MDGA2: variants seen among roughly 807,000 people sequenced by gnomAD.
The protein encoded by MDGA2 is MAM domain containing glycosylphosphatidylinositol anchor 2.
A neutral mutation model predicts 117.8 loss-of-function variants in MDGA2; 40 were observed. The observed-to-expected ratio is 0.34, with a 90% CI of 0.26 to 0.44. The LOEUF is 0.44. Ranked by LOEUF, MDGA2 falls within the 20% of genes least tolerant of loss-of-function variation. The pLI, the probability that MDGA2 is intolerant of heterozygous loss-of-function variation, is 1.00. For missense variants in MDGA2, 1,123 were observed against 1,250.6 expected, an observed-to-expected ratio of 0.90 and a Z score of 1.54; for synonymous variants, 452 against 439.0, an observed-to-expected ratio of 1.03 and a Z score of -0.37.
chr14:47,172,309 C>T (rs962063504), intron 3 of MDGA2, among the ~76,000 whole-genome samples: 8 of 152,098 alleles, frequency 5.3e-5, no homozygotes, highest in Non-Finnish European at 1.0e-4. Context: ...TCTCCAAGCA[C>T]GCAGCTGGAG....
chr14:47,243,000 T>G (rs1013464128), intron 2 of MDGA2, among the ~76,000 whole-genome samples: 1 of 151,612 alleles, frequency 6.6e-6, no homozygotes, highest in African/African-American at 2.4e-5. Flanking sequence ...GGTTTGTGAG[T>G]GCACCAGTCG....
At chr14:47,272,565 G>A (rs1378560377) in intron 2 of MDGA2, among the ~76,000 whole-genome samples, 1 of 152,158 alleles carries the variant, frequency 6.6e-6, no homozygotes, top group Non-Finnish European at 1.5e-5. Flanking sequence ...TCCAGGGTTA[G>A]AAGCAATCCC....
rs1376283500 is a variant in MDGA2, at chr14:47,519,208, A to T, written c.280+155309T>A. Among the ~76,000 whole-genome samples the T allele has an allele frequency of 3.3e-5, 5 of 152,208 alleles. No homozygotes were observed. In the East Asian group the frequency reaches 9.6e-4, roughly 29 times the overall value. On this transcript the variant is annotated intron_variant, in intron 1 of 16. Transcript: ENST00000399232. ...CGATAGAGCAAGACTCAGTCTCAAA[A>T]ACAAAACAAAACAAACAAACAAATA...
chr14:47,560,435 G>T (rs748219629), intron 1 of MDGA2, among the ~76,000 whole-genome samples: 4 of 152,100 alleles, frequency 2.6e-5, no homozygotes, highest in Admixed American at 6.6e-5. Context: ...TTGTGGTTTT[G>T]ATTTGCATTT....
At chr14:46,851,906 T>TA (rs1555328867) in intron 15 of MDGA2, among the ~76,000 whole-genome samples, 60,178 of 139,864 alleles carry the variant, frequency 0.43, 13,167 homozygotes, top group East Asian at 0.64. Context: ...GATTTTTGGG[T>TA]AAAAAAAAAA....
rs1414745572 is a variant in MDGA2, at chr14:47,019,117, C to T, written c.1819+15894G>A. The stretch of plus-strand genomic sequence containing the variant: ...AAGTAAATATTTATTGACTGAATTC[C>T]TCACAGCTTTCAAATTTGAATACTG... On this transcript the variant is annotated intron_variant, in intron 8 of 16. Coordinates refer to ENST00000399232, the MANE Select transcript of MDGA2 (RefSeq NM_001113498.3). 2.6e-5 allele frequency among the ~76,000 whole-genome samples: 4 copies of T among 152,008 alleles called. No individual in the cohort carries two copies. In the East Asian group the frequency reaches 5.8e-4, roughly 22 times the overall value.
At chr14:47,529,083 C>T (rs1053000096) in intron 1 of MDGA2, among the ~76,000 whole-genome samples, 16 of 151,820 alleles carry the variant, frequency 1.1e-4, no homozygotes, top group Middle Eastern at 3.2e-3. Context: ...ACTACAAGCT[C>T]CGCCCCCCGG....
intron 3 of MDGA2, among the ~76,000 whole-genome samples, chr14:47,169,597 T>C (rs1210669904): frequency 6.6e-6 from 1 of 151,956 alleles, no homozygotes; most frequent in Non-Finnish European, 1.5e-5. Context: ...TACTTACATA[T>C]GACAAAAAGT....
intron 14 of MDGA2, among the ~76,000 whole-genome samples, chr14:46,865,283 A>G (rs867505848): frequency 6.6e-6 from 1 of 150,902 alleles, no homozygotes; most frequent in African/African-American, 2.5e-5. Context: ...AAAACTCTTG[A>G]TTAATCCACA....
chr14:47,609,046 C>CT (rs912391648), intron 1 of MDGA2, among the ~76,000 whole-genome samples: 10 of 151,720 alleles, frequency 6.6e-5, no homozygotes, highest in African/African-American at 2.4e-4. Context: ...GCATTCAGTT[C>CT]TTTTTTTATT....
chr14:47,532,131 C>G (rs1464256551), intron 1 of MDGA2, among the ~76,000 whole-genome samples: 1 of 152,176 alleles, frequency 6.6e-6, no homozygotes, highest in Non-Finnish European at 1.5e-5. Context: ...ATAATTGCAT[C>G]AAACAGCAGT....
At chr14:47,591,349 C>T (rs1896435297) in intron 1 of MDGA2, among the ~76,000 whole-genome samples, 1 of 152,110 alleles carries the variant, frequency 6.6e-6, no homozygotes, top group African/African-American at 2.4e-5. Flanking sequence ...ACATTTATAG[C>T]TGAATTCTAC....
chr14:47,269,041 G>T (rs1779217801), intron 2 of MDGA2, among the ~76,000 whole-genome samples: 1 of 152,072 alleles, frequency 6.6e-6, no homozygotes, highest in Non-Finnish European at 1.5e-5. Context: ...CTGAGGAGGA[G>T]AAAAAAATCT....
At chr14:46,899,514 G>A (rs1883203764) in intron 10 of MDGA2, among the ~76,000 whole-genome samples, 1 of 151,662 alleles carries the variant, frequency 6.6e-6, no homozygotes, top group Admixed American at 6.6e-5. Flanking sequence ...CAATTAACAT[G>A]GGCAAAAGAA....
At chr14:46,903,124 T>C (rs1272677162) in intron 10 of MDGA2, among the ~76,000 whole-genome samples, 1 of 152,190 alleles carries the variant, frequency 6.6e-6, no homozygotes, top group African/African-American at 2.4e-5. Flanking sequence ...CTCATTTTGC[T>C]AAGAGTTTTT....
chr14:47,427,541 A>G (rs1410736543), intron 1 of MDGA2, among the ~76,000 whole-genome samples: 1 of 152,200 alleles, frequency 6.6e-6, no homozygotes, highest in Non-Finnish European at 1.5e-5. Flanking sequence ...AAATACAGAC[A>G]CAATCTCCTC....
intron 1 of MDGA2, among the ~76,000 whole-genome samples, chr14:47,588,263 C>CATAT (rs1320695474): frequency 7.2e-5 from 5 of 69,166 alleles, no homozygotes; most frequent in African/African-American, 2.6e-4. Flanking sequence ...TATATATATA[C>CATAT]ACACACACAC....
intron 1 of MDGA2, among the ~76,000 whole-genome samples, chr14:47,436,614 T>C (rs929974217): frequency 1.3e-5 from 2 of 152,118 alleles, no homozygotes; most frequent in Non-Finnish European, 2.9e-5. Context: ...ATCTTTTGGC[T>C]TTCCTGGGCC....
chr14:46,918,431 A>G (rs1023605382), intron 10 of MDGA2, among the ~76,000 whole-genome samples: 2 of 152,204 alleles, frequency 1.3e-5, no homozygotes, highest in South Asian at 4.1e-4. Flanking sequence ...TAAGCCCACA[A>G]ACTGAGGGAG....
Sources: allele counts gnomAD v4.1 joint callset (sites outside exome capture counted in the v4.1 genomes callset), GRCh38; gene constraint gnomAD v4.1.1; transcripts MANE v1.5; gene names NCBI Gene and HGNC (gene_info 2026-07-23, HGNC 2026-07-21).